Variants in ERMARD observed in about 807,000 individuals in gnomAD.
ERMARD encodes the protein endoplasmic reticulum membrane-associated RNA degradation protein.
In ERMARD, 71 loss-of-function variants were observed where a neutral mutation model predicts 83.9. The observed-to-expected ratio is 0.85, with a 90% CI of 0.70 to 1.03. The LOEUF is 1.03. Ranked by LOEUF, ERMARD falls within the 50% of genes least tolerant of loss-of-function variation. The pLI is 0.00. For missense variants in ERMARD, 838 were observed against 810.9 expected (o/e 1.03, Z -0.41); for synonymous variants, 284 against 298.6 (o/e 0.95, Z 0.50).
intron 10 of ERMARD, chr6:169,767,756 T>TAACAC (rs113340912): frequency 8.0e-6 from 2 of 250,962 alleles, no homozygotes; most frequent in African/African-American, 4.6e-5. Flanking sequence ...GCACATACAC[T>TAACAC]ACACACACAC....
At chr6:169,762,851 T>G (rs895995714) in intron 9 of ERMARD, among the ~76,000 whole-genome samples, 2 of 152,228 alleles carry the variant, frequency 1.3e-5, no homozygotes, top group African/African-American at 4.8e-5. Flanking sequence ...GCCGGGAGAC[T>G]GAGGTGACCA....
chr6:169,751,506 G>C, upstream of ERMARD: 1 of 1,610,966 alleles, frequency 6.2e-7, no homozygotes, highest in Non-Finnish European at 8.5e-7. Flanking sequence ...CACCGCCGGC[G>C]GTCAAACGCC....
At chr6:169,775,100 T>C (rs1260832291) in intron 13 of ERMARD, among the ~76,000 whole-genome samples, 170 bp from the exon 14 acceptor site, 1 of 152,140 alleles carries the variant, frequency 6.6e-6, no homozygotes, top group Non-Finnish European at 1.5e-5. Flanking sequence ...TCCGCAGCCT[T>C]CCCCCATCTG....
chr6:169,763,692 GTTTCC>G, intron 9 of ERMARD, among the ~76,000 whole-genome samples: 1 of 152,324 alleles, frequency 6.6e-6, no homozygotes, highest in South Asian at 2.1e-4. Flanking sequence ...CCCATCCTCT[GTTTCC>G]TCTCCCTGGG....
chr6:169,760,664 A>G lies in ERMARD; in HGVS notation c.765A>G (p.Ser255=), dbSNP rs1182852611. The G allele has an allele frequency of 8.7e-6, 14 of 1,610,576 alleles. No homozygotes were observed. The South Asian group carries it at 1.5e-4, about 18-fold the overall frequency. ...VFPDVTYEVL[S]VLEEVMMKSA... ...CAGATGTTACTTATGAGGTGCTTTC[A>G]GTATTAGAAGAAGTGATGATGAAAT... The change falls in exon 8 of 18, where the codon TCA becomes TCG. Residue 255 remains serine, a synonymous_variant. Transcript: ENST00000366773.
chr6:169,775,095 A>G (rs901443782), intron 13 of ERMARD, among the ~76,000 whole-genome samples, 175 bp from the exon 14 acceptor site: 1 of 152,222 alleles, frequency 6.6e-6, no homozygotes, highest in Non-Finnish European at 1.5e-5. Context: ...TAGTTTCCGC[A>G]GCCTTCCCCC....
At chr6:169,763,681 C>T (rs1379014198) in intron 9 of ERMARD, among the ~76,000 whole-genome samples, 1 of 152,254 alleles carries the variant, frequency 6.6e-6, no homozygotes, top group East Asian at 1.9e-4. Context: ...CTGCCGTCAA[C>T]CCCATCCTCT....
At chr6:169,759,417 T>C (rs1791232580) in intron 6 of ERMARD, among the ~76,000 whole-genome samples, 1 of 152,048 alleles carries the variant, frequency 6.6e-6, no homozygotes, top group Non-Finnish European at 1.5e-5. Flanking sequence ...ATCGAGAGAA[T>C]TTTGTGCAAT....
chr6:169,770,047 G>A (rs1445636728), intron 12 of ERMARD, among the ~76,000 whole-genome samples: 2 of 152,144 alleles, frequency 1.3e-5, no homozygotes, highest in Admixed American at 6.5e-5. Context: ...TTGCTAAATC[G>A]ATGGGGTAGG....
chr6:169,779,086 C>G (rs750770490), intron 16 of ERMARD, 96 bp from the exon 17 acceptor site: 25 of 1,065,156 alleles, frequency 2.3e-5, no homozygotes, highest in Middle Eastern at 2.8e-4. Context: ...GAAGTTGGGA[C>G]TTAAGGATGT....
intron 7 of ERMARD, 46 bp from the exon 8 acceptor site, chr6:169,760,596 C>A: frequency 7.4e-7 from 1 of 1,354,572 alleles, no homozygotes; most frequent in East Asian, 2.4e-5. Flanking sequence ...CATCTTTTTT[C>A]AGTTGATCAG....
At chr6:169,772,643 G>T (rs1793097910) in intron 12 of ERMARD, among the ~76,000 whole-genome samples, 2 of 151,928 alleles carry the variant, frequency 1.3e-5, no homozygotes, top group Admixed American at 1.3e-4. Context: ...GGTGGTGGGT[G>T]CCTGTAATCC....
chr6:169,775,870 A>G, intron 14 of ERMARD, 70 bp from the exon 15 acceptor site: 1 of 1,564,470 alleles, frequency 6.4e-7, no homozygotes, highest in South Asian at 1.2e-5. Flanking sequence ...ACCATTGAAC[A>G]TTCTTGTGCA....
At position 169,779,223 on chromosome 6, in the gene ERMARD, T is replaced by C. The variant is rs2128369070; in HGVS notation, c.1781T>C (p.Leu594Pro). The C allele has an allele frequency of 1.9e-6, 3 of 1,614,268 alleles. No individual in the cohort carries two copies. Among genetic ancestry groups the C allele is most frequent in the South Asian group, 2.2e-5 (2 of 91,088 alleles). The change falls in exon 17 of 18, where the codon CTC becomes CCC. Residue 594 changes from leucine to proline, a missense_variant. Transcript: ENST00000366773. ...CCTGTGCTCAGCCTGATACTGTTAC[T>C]CATTGCGCTGGAGTTGGTCAACATT... ...LSPVLSLILL[L>P]IALELVNIHA...
In ERMARD at chr6:169,762,497, T is replaced by C. The variant is rs1791683928; in HGVS notation, c.926T>C (p.Leu309Pro). 2 of 1,614,090 alleles carry C rather than the reference T, an allele frequency of 1.2e-6. No homozygotes were observed. Among genetic ancestry groups the C allele is most frequent in the Non-Finnish European group, 8.5e-7 (1 of 1,180,042 alleles). Reference sequence around the variant, plus strand: ...GGACTTAGGAATGTTTTTGCCACACTTAACAGATGTCCAAAAAGACTCCTG... The same window carrying C: ...GGACTTAGGAATGTTTTTGCCACACCTAACAGATGTCCAAAAAGACTCCTG... ...ETGLRNVFAT[L>P]NRCPKRLLTA... The change falls in exon 9 of 18, where the codon CTT (leucine) becomes CCT (proline). Residue 309 changes from leucine (L) to proline (P), a missense_variant. By Grantham distance (98) the Leu-to-Pro change is moderately conservative. Transcript: ENST00000366773.
chr6:169,753,762 T>A, intron 1 of ERMARD, 102 bp from the exon 2 acceptor site: 1 of 805,390 alleles, frequency 1.2e-6, no homozygotes. Context: ...TAACAGCAAC[T>A]ATACCTGAGT....
chr6:169,763,260 G>A (rs1162848735), intron 9 of ERMARD, among the ~76,000 whole-genome samples: 1 of 152,186 alleles, frequency 6.6e-6, no homozygotes, highest in Non-Finnish European at 1.5e-5. Context: ...TCCCAGATGT[G>A]AGTAGCTCCC....
intron 3 of ERMARD, 120 bp downstream of exon 3, chr6:169,755,542 T>G: frequency 7.6e-7 from 1 of 1,318,450 alleles, no homozygotes; most frequent in Non-Finnish European, 1.0e-6. Flanking sequence ...GGTGAAGTGT[T>G]GAGGGTTGTA....
intron 1 of ERMARD, among the ~76,000 whole-genome samples, chr6:169,752,239 C>G (rs1210014275): frequency 6.6e-6 from 1 of 152,212 alleles, no homozygotes; most frequent in African/African-American, 2.4e-5. Flanking sequence ...ATAACGATAA[C>G]TACCATTTTT....
Sources: gnomAD v4.1 joint callset for allele counts (sites outside exome capture counted in the v4.1 genomes callset) on GRCh38, gnomAD v4.1.1 for gene constraint, MANE v1.5 for transcripts, NCBI Gene and HGNC (gene_info 2026-07-23, HGNC 2026-07-21) for gene names.